Variants in SELENOF observed in about 807,000 individuals in gnomAD.
The protein encoded by SELENOF is selenoprotein F.
In SELENOF, 16 loss-of-function variants were observed where a neutral mutation model predicts 20.5. That is an observed-to-expected ratio of 0.78 (90% CI 0.53 to 1.19). The LOEUF (loss-of-function observed/expected upper bound fraction) is 1.19. SELENOF is among the 50% of genes most tolerant of loss of function. The pLI is 0.00. For missense variants in SELENOF, 215 were observed against 194.2 expected, an observed-to-expected ratio of 1.11 and a Z score of -0.64; for synonymous variants, 78 against 74.5, an observed-to-expected ratio of 1.05 and a Z score of -0.24.
chr1:86,903,328 C>T lies in SELENOF; in HGVS notation c.205G>A (p.Asp69Asn). 1 of 1,612,088 alleles carries T rather than the reference C, an allele frequency of 6.2e-7. No individual in the cohort carries two copies. The highest frequency in any genetic ancestry group is 8.5e-7 in the Non-Finnish European group (1 of 1,179,092). The change falls in exon 2 of 5, where the codon GAT becomes AAT. Residue 69 changes from aspartate (D) to asparagine (N), a missense_variant. Coordinates refer to ENST00000331835, the MANE Select transcript of SELENOF (RefSeq NM_004261.5). ...TCCTCCTGACAGCATCCTCTGCAAT[C>T]AGGATCCAGCTGAAGCAGGTTGAAC... ...GQFNLLQLDP[D>N]CRGCCQEEAQ...
Position 86,900,335 on chromosome 1 carries a change from C to T in SELENOF, c.252+2946G>A, listed in dbSNP as rs1370506692. Among the ~76,000 whole-genome samples, 7 of 152,304 alleles carry T rather than the reference C, an allele frequency of 4.6e-5. No homozygotes were observed. The South Asian group carries it at 6.2e-4, about 14-fold the overall frequency. On this transcript the variant is annotated intron_variant, in intron 2 of 4. Transcript: ENST00000331835. ...GTGAACCAGACACCGTCTGCAATCC[C>T]GGCACCTCTGGAGGCCGAGGCTGGC... is the stretch of plus-strand genomic sequence containing the variant.
chr1:86,914,148 A>C (rs758777515), upstream of SELENOF: 3 of 1,590,016 alleles, frequency 1.9e-6, no homozygotes, highest in East Asian at 2.2e-5. Flanking sequence ...AGGACCCCTA[A>C]GCTAGGGGCG....
chr1:86,873,847 C>T (rs1172997607), intron 3 of SELENOF, among the ~76,000 whole-genome samples: 5 of 95,514 alleles, frequency 5.2e-5, no homozygotes, highest in East Asian at 5.8e-4. Context: ...AGTGAAACTC[C>T]GTCTCAAAAA....
At chr1:86,891,240 G>C (rs2016697) in intron 2 of SELENOF, among the ~76,000 whole-genome samples, 6 of 151,566 alleles carry the variant, frequency 4.0e-5, no homozygotes, top group African/African-American at 1.5e-4. Flanking sequence ...GTAGAGATGG[G>C]GTTTCTCCAT....
intron 1 of SELENOF, among the ~76,000 whole-genome samples, chr1:86,913,339 T>C (rs1477616170): frequency 6.6e-6 from 1 of 152,168 alleles, no homozygotes; most frequent in African/African-American, 2.4e-5. Context: ...AAAGTACACT[T>C]TTCCCATTCA....
At position 86,903,561 on chromosome 1, in the gene SELENOF, A is replaced by C. The variant is rs2102126416; in HGVS notation, c.85-113T>G. 3 of 673,568 alleles carry C rather than the reference A, an allele frequency of 4.5e-6. No homozygotes were observed. In the East Asian group the frequency reaches 9.9e-5, roughly 22 times the overall value. 41.7% of individuals were successfully genotyped at this position (673,568 alleles called of 1,614,324 possible). ...AACACATTGAAGACAAGTTACTGAA[A>C]TGTTTCATTTGGAGATAAATTCTTT... On this transcript the variant is annotated intron_variant, in intron 1 of 4. Coordinates refer to ENST00000331835, the MANE Select transcript of SELENOF (RefSeq NM_004261.5).
intron 1 of SELENOF, among the ~76,000 whole-genome samples, chr1:86,906,030 A>G (rs911798162): frequency 3.9e-5 from 6 of 152,214 alleles, no homozygotes; most frequent in African/African-American, 9.6e-5. Flanking sequence ...GCATTTCCCA[A>G]TGAAAAGAAA....
intron 1 of SELENOF, among the ~76,000 whole-genome samples, chr1:86,909,637 G>A (rs1321306669): frequency 6.6e-6 from 1 of 152,188 alleles, no homozygotes; most frequent in Non-Finnish European, 1.5e-5. Flanking sequence ...GAGGAGTGGA[G>A]GGATACTAAC....
At chr1:86,900,736 C>T (rs1659680879) in intron 2 of SELENOF, among the ~76,000 whole-genome samples, 1 of 152,092 alleles carries the variant, frequency 6.6e-6, no homozygotes. Flanking sequence ...GATGGGGTTT[C>T]ACCATATTAG....
At chr1:86,892,234 G>A (rs950321095) in intron 2 of SELENOF, among the ~76,000 whole-genome samples, 12 of 152,006 alleles carry the variant, frequency 7.9e-5, no homozygotes, top group African/African-American at 2.4e-4. Context: ...CACCACCCCC[G>A]GCCTATGTTA....
chr1:86,867,858 T>C (rs1329586373), intron 4 of SELENOF, among the ~76,000 whole-genome samples, 195 bp downstream of exon 4: 6 of 152,080 alleles, frequency 3.9e-5, no homozygotes, highest in Non-Finnish European at 7.4e-5. Context: ...CAAATTTTCA[T>C]AAACCTAAAA....
At chr1:86,882,914 T>C (rs1402069695) in intron 2 of SELENOF, among the ~76,000 whole-genome samples, 4 of 150,752 alleles carry the variant, frequency 2.7e-5, no homozygotes, top group African/African-American at 7.3e-5. Flanking sequence ...TCATCTGAGG[T>C]CAGGAGTTCG....
chr1:86,898,077 C>A (rs1241571502), intron 2 of SELENOF, among the ~76,000 whole-genome samples: 1 of 152,114 alleles, frequency 6.6e-6, no homozygotes, highest in Non-Finnish European at 1.5e-5. Context: ...AATTTAAGTA[C>A]GTTTTGTTTC....
chr1:86,885,818 C>T (rs1437158256), intron 2 of SELENOF, among the ~76,000 whole-genome samples: 1 of 152,176 alleles, frequency 6.6e-6, no homozygotes, highest in Non-Finnish European at 1.5e-5. Context: ...AAGTCATTCA[C>T]TGAGCTTCAG....
At chr1:86,910,637 G>T (rs995350416) in intron 1 of SELENOF, among the ~76,000 whole-genome samples, 7 of 150,606 alleles carry the variant, frequency 4.6e-5, no homozygotes, top group African/African-American at 1.7e-4. Context: ...CCGGGAGGCA[G>T]AGGTTGCAGT....
At chr1:86,867,898 T>TA (rs1389737359) in intron 4 of SELENOF, among the ~76,000 whole-genome samples, 155 bp downstream of exon 4, 1 of 152,000 alleles carries the variant, frequency 6.6e-6, no homozygotes, top group African/African-American at 2.4e-5. Flanking sequence ...TCTATTAATT[T>TA]AAAAAAATTA....
chr1:86,881,221 C>T (rs952389266), intron 2 of SELENOF, among the ~76,000 whole-genome samples: 2 of 152,074 alleles, frequency 1.3e-5, no homozygotes, highest in African/African-American at 2.4e-5. Context: ...ATAAGAAAAG[C>T]AGTAAAATCT....
At chr1:86,871,500 C>T (rs1486422162) in intron 3 of SELENOF, among the ~76,000 whole-genome samples, 1 of 152,078 alleles carries the variant, frequency 6.6e-6, no homozygotes, top group Admixed American at 6.6e-5. Context: ...GTCAAAATAG[C>T]CCCAAAGTCA....
At chr1:86,866,195 CAAAA>C (rs762072945) in intron 4 of SELENOF, among the ~76,000 whole-genome samples, 5 of 27,658 alleles carry the variant, frequency 1.8e-4, no homozygotes, top group South Asian at 1.2e-3. Flanking sequence ...AGACCATGTC[CAAAA>C]AAAAAAAAAA....
Sources: allele counts gnomAD v4.1 joint callset (sites outside exome capture counted in the v4.1 genomes callset), GRCh38; gene constraint gnomAD v4.1.1; transcripts MANE v1.5; gene names NCBI Gene and HGNC (gene_info 2026-07-23, HGNC 2026-07-21).